The following DNAJC12 variants were observed in gnomAD, a reference collection of about 807,000 sequenced individuals.
The protein encoded by DNAJC12 is DnaJ heat shock protein family (Hsp40) member C12, also known as dnaJ homolog subfamily C member 12.
DNAJC12 carries 25 observed loss-of-function variants against 28.5 expected under a neutral mutation model. The observed-to-expected ratio is 0.88, with a 90% CI of 0.64 to 1.22. The LOEUF is 1.22. Among genes scored for constraint, DNAJC12 ranks in the 50% most tolerant of loss-of-function variants. DNAJC12 has a pLI of 0.00. For synonymous variants in DNAJC12, 77 were observed against 80.6 expected (o/e 0.95, Z 0.24); for missense variants, 222 against 231.7 (o/e 0.96, Z 0.27).
intron 2 of DNAJC12, among the ~76,000 whole-genome samples, chr10:67,815,219 C>T (rs1841901169): frequency 6.6e-6 from 1 of 151,976 alleles, no homozygotes; most frequent in Non-Finnish European, 1.5e-5. Flanking sequence ...TGAAAATATG[C>T]TAAATGAGGC....
intron 3 of DNAJC12, 152 bp downstream of exon 3, chr10:67,811,372 G>T: frequency 1.3e-6 from 2 of 1,484,160 alleles, no homozygotes; most frequent in Non-Finnish European, 8.9e-7. Context: ...TTCTCTTCAT[G>T]GGATTTACGG....
intron 1 of DNAJC12, among the ~76,000 whole-genome samples, chr10:67,834,481 T>C (rs531286253): frequency 2.6e-5 from 4 of 152,298 alleles, no homozygotes; most frequent in African/African-American, 9.6e-5. Flanking sequence ...TATTATTTAA[T>C]CCCCACAACT....
intron 1 of DNAJC12, among the ~76,000 whole-genome samples, chr10:67,831,682 A>T (rs140826712): frequency 6.6e-6 from 1 of 152,214 alleles, no homozygotes; most frequent in Non-Finnish European, 1.5e-5. Context: ...ATTGTTCTCA[A>T]ATTGTTTCCT....
intron 2 of DNAJC12, among the ~76,000 whole-genome samples, chr10:67,822,295 T>C (rs1413268362): frequency 3.3e-5 from 5 of 152,046 alleles, no homozygotes; most frequent in Admixed American, 3.3e-4. Flanking sequence ...AGAAAAAAAC[T>C]TTGTTTCAAG....
intron 1 of DNAJC12, among the ~76,000 whole-genome samples, chr10:67,836,706 C>T (rs1200644908): frequency 6.6e-6 from 1 of 151,928 alleles, no homozygotes; most frequent in Non-Finnish European, 1.5e-5. Flanking sequence ...TTAATTTCAA[C>T]GTGTCTAAGA....
chr10:67,813,615 G>C (rs187435055), intron 2 of DNAJC12, among the ~76,000 whole-genome samples: 1 of 149,966 alleles, frequency 6.7e-6, no homozygotes, highest in Non-Finnish European at 1.5e-5. Context: ...AAAATTAGTT[G>C]GGTGTGGTGG....
intron 3 of DNAJC12, 82 bp downstream of exon 3, chr10:67,811,439 AATG>A: frequency 4.4e-6 from 7 of 1,577,466 alleles, no homozygotes; most frequent in Non-Finnish European, 6.0e-6. Context: ...CCTATCGCCT[AATG>A]ACTCTTTAAG....
intron 4 of DNAJC12, among the ~76,000 whole-genome samples, chr10:67,797,797 T>C (rs956727067): frequency 2.0e-5 from 3 of 152,104 alleles, no homozygotes; most frequent in Non-Finnish European, 4.4e-5. Flanking sequence ...TCCCAGCACT[T>C]TGGGAGGCCA....
intron 1 of DNAJC12, among the ~76,000 whole-genome samples, chr10:67,824,016 T>C (rs997022079): frequency 8.6e-5 from 13 of 152,018 alleles, no homozygotes; most frequent in African/African-American, 3.1e-4. Flanking sequence ...GGTGGGCAGA[T>C]CACAAGGTTA....
At chr10:67,811,405 T>C in intron 3 of DNAJC12, 119 bp downstream of exon 3, 1 of 1,532,520 alleles carries the variant, frequency 6.5e-7, no homozygotes, top group Non-Finnish European at 8.8e-7. Context: ...ATCCAGACTC[T>C]GCTAACTTCT....
chr10:67,805,852 G>A lies in DNAJC12; in HGVS notation c.298-65C>T, dbSNP rs930498871. 16 of 1,316,970 alleles carry A rather than the reference G, an allele frequency of 1.2e-5. No individual in the cohort carries two copies. The African/African-American group carries it at 2.2e-4, about 19-fold the overall frequency. The allele number at this position is 1,316,970 out of a possible 1,614,324, so 81.6% of individuals were successfully genotyped here. On this transcript the variant is annotated intron_variant, in intron 3 of 4. Coordinates refer to ENST00000225171, the MANE Select transcript of DNAJC12 (RefSeq NM_021800.3). ...TATTATATGATTTTCTATATTTAAA[G>A]TTTGATATGTGGTAACACCTGACCT...
At chr10:67,825,023 C>T (rs1842016287) in intron 1 of DNAJC12, among the ~76,000 whole-genome samples, 1 of 152,202 alleles carries the variant, frequency 6.6e-6, no homozygotes, top group South Asian at 2.1e-4. Flanking sequence ...GCGTGAGCCA[C>T]CGTACCTGGG....
chr10:67,826,467 CAT>C (rs71006171), intron 1 of DNAJC12, among the ~76,000 whole-genome samples: 101,822 of 140,520 alleles, frequency 0.72, 37,646 homozygotes, highest in Non-Finnish European at 0.8. Flanking sequence ...TATATATATG[CAT>C]ATATATATAT....
intron 1 of DNAJC12, among the ~76,000 whole-genome samples, chr10:67,826,923 A>G (rs1171276539): frequency 7.1e-6 from 1 of 140,402 alleles, no homozygotes; most frequent in Non-Finnish European, 1.5e-5. Context: ...GATATATAAT[A>G]TATATATCAT....
intron 1 of DNAJC12, among the ~76,000 whole-genome samples, chr10:67,829,243 C>T (rs776326809): frequency 3.3e-4 from 50 of 152,276 alleles, no homozygotes; most frequent in Non-Finnish European, 5.6e-4. Flanking sequence ...GCAGTCCAAG[C>T]CTCTGATAAA....
intron 3 of DNAJC12, among the ~76,000 whole-genome samples, chr10:67,809,126 C>T (rs909684117): frequency 6.6e-6 from 1 of 152,184 alleles, no homozygotes; most frequent in Non-Finnish European, 1.5e-5. Context: ...AAATTTACAG[C>T]AATTGAAGTG....
intron 3 of DNAJC12, among the ~76,000 whole-genome samples, chr10:67,806,327 T>C (rs967222696): frequency 4.6e-5 from 7 of 152,192 alleles, no homozygotes; most frequent in Admixed American, 3.3e-4. Context: ...TTATAAATAT[T>C]CTAGCTCTCT....
At chr10:67,830,369 G>A (rs967056641) in intron 1 of DNAJC12, among the ~76,000 whole-genome samples, 35 of 150,152 alleles carry the variant, frequency 2.3e-4, no homozygotes, top group Admixed American at 1.0e-3. Context: ...AGCACTTTGG[G>A]AGGCTGAGGC....
chr10:67,808,624 C>A (rs2131795114), intron 3 of DNAJC12: 1 of 152,154 alleles, frequency 6.6e-6, no homozygotes, highest in East Asian at 1.9e-4. Context: ...CACACACACA[C>A]AAACACACAG....
Sources: allele counts gnomAD v4.1 joint callset (sites outside exome capture counted in the v4.1 genomes callset), GRCh38; gene constraint gnomAD v4.1.1; transcripts MANE v1.5; gene names NCBI Gene and HGNC (gene_info 2026-07-23, HGNC 2026-07-21).